Variants in RTN4 observed in about 807,000 individuals in gnomAD.
RTN4 encodes the protein reticulon-4.
A neutral mutation model predicts 90.4 loss-of-function variants in RTN4; 32 were observed. The observed-to-expected ratio is 0.35, with a 90% CI of 0.27 to 0.48. The LOEUF (loss-of-function observed/expected upper bound fraction) is 0.48. Among genes scored for constraint, RTN4 ranks in the 20% least tolerant of loss-of-function variants. RTN4 has a pLI of 0.99. For synonymous variants in RTN4, 629 were observed against 552.5 expected (o/e 1.14, Z -1.94); for missense variants, 1,706 against 1,430.2 (o/e 1.19, Z -3.11).
chr2:55,108,385 T>C (rs1041018952), intron 1 of RTN4, among the ~76,000 whole-genome samples: 5 of 152,066 alleles, frequency 3.3e-5, no homozygotes, highest in Admixed American at 2.6e-4. Context: ...TGAGTGCTCA[T>C]CTCTTGCCAG....
chr2:54,978,990 T>C (rs1677895962), intron 5 of RTN4, among the ~76,000 whole-genome samples: 1 of 152,146 alleles, frequency 6.6e-6, no homozygotes, highest in Non-Finnish European at 1.5e-5. Context: ...CCAGTTTTTG[T>C]GGCTAAAAGG....
At chr2:54,983,082 A>G (rs1383908039) in intron 4 of RTN4, among the ~76,000 whole-genome samples, 1 of 149,870 alleles carries the variant, frequency 6.7e-6, no homozygotes, top group African/African-American at 2.5e-5. Context: ...TTTTTTTCTT[A>G]AAGTTGACAC....
intron 2 of RTN4, among the ~76,000 whole-genome samples, chr2:55,067,199 G>C (rs1040582753): frequency 6.6e-6 from 1 of 152,088 alleles, no homozygotes; most frequent in Non-Finnish European, 1.5e-5. Flanking sequence ...GCTGCTTGAT[G>C]ATTGCTCTGA....
chr2:55,012,256 A>G (rs910102695), intron 3 of RTN4, among the ~76,000 whole-genome samples: 1 of 152,214 alleles, frequency 6.6e-6, no homozygotes, highest in Non-Finnish European at 1.5e-5. Flanking sequence ...AGAATGTGTA[A>G]TAAGACATAC....
chr2:55,055,949 G>T (rs889744845), intron 2 of RTN4, among the ~76,000 whole-genome samples: 1 of 149,862 alleles, frequency 6.7e-6, no homozygotes, highest in Non-Finnish European at 1.5e-5. Flanking sequence ...ATATGTAGAT[G>T]ATATAGATTT....
chr2:55,121,646 C>T, the RTN4 span, among the ~76,000 whole-genome samples: 1 of 152,072 alleles, frequency 6.6e-6, no homozygotes, highest in African/African-American at 2.4e-5. Flanking sequence ...TATTATCATG[C>T]TATTGTCATC....
chr2:55,102,267 C>T (rs1413920472), intron 1 of RTN4, among the ~76,000 whole-genome samples: 1 of 152,028 alleles, frequency 6.6e-6, no homozygotes, highest in Non-Finnish European at 1.5e-5. Flanking sequence ...AGGCTGAAAT[C>T]CCTTGAAGAT....
At chr2:55,123,608 A>G in the RTN4 span, among the ~76,000 whole-genome samples, 1 of 152,088 alleles carries the variant, frequency 6.6e-6, no homozygotes, top group African/African-American at 2.4e-5. Flanking sequence ...AGTAAGCCAG[A>G]AAAATCTTAT....
intron 1 of RTN4, among the ~76,000 whole-genome samples, chr2:55,035,825 T>G (rs1222600826): frequency 6.6e-6 from 1 of 152,130 alleles, no homozygotes; most frequent in African/African-American, 2.4e-5. Context: ...TTAGACAACT[T>G]AGATGAGTAG....
In RTN4 at chr2:55,049,995, C is replaced by T. The variant is rs1392032957; in HGVS notation, c.306G>A (p.Pro102=). The change falls in exon 1 of 9, where the codon CCG becomes CCA. Residue 102 remains proline (P), a synonymous_variant. Transcript: ENST00000337526. ...TCGGGTCCCAAGACGGCTGCCGCTC[C>T]GGGGCGACGGGGGGAGCGGCCGGCA... ...GPLPAAPPVA[P]ERQPSWDPSP... 2.9e-6 allele frequency: 4 copies of T among 1,374,636 alleles called. No homozygotes were observed. The highest frequency in any genetic ancestry group is 3.7e-6 in the Non-Finnish European group (4 of 1,071,566). 85.2% of individuals were successfully genotyped at this position (1,374,636 alleles called of 1,614,324 possible). A position where few individuals can be genotyped will look rare whatever the true frequency, so the allele number is the denominator to read the frequency against.
At chr2:55,119,668 G>A in the RTN4 span, among the ~76,000 whole-genome samples, 1 of 152,106 alleles carries the variant, frequency 6.6e-6, no homozygotes, top group African/African-American at 2.4e-5. Context: ...TATTACAGGG[G>A]GCAAAAAAGC....
chr2:55,007,247 T>A (rs1680295062), intron 3 of RTN4, among the ~76,000 whole-genome samples: 1 of 152,098 alleles, frequency 6.6e-6, no homozygotes, highest in Admixed American at 6.6e-5. Flanking sequence ...TTCTTCTTCC[T>A]TCCTATTTCA....
At chr2:54,976,118 G>A (rs1677611965) in intron 5 of RTN4, among the ~76,000 whole-genome samples, 1 of 152,142 alleles carries the variant, frequency 6.6e-6, no homozygotes. Context: ...AGTCTAAAGG[G>A]AAAAGTGTTG....
intron 3 of RTN4, chr2:55,009,960 C>A: frequency 9.7e-7 from 1 of 1,036,058 alleles, no homozygotes; most frequent in Non-Finnish European, 1.4e-6. Flanking sequence ...CCGTTTTAAT[C>A]CTTTAGACTT....
chr2:55,010,524 TTTTC>T (rs769296364), intron 3 of RTN4: 108 of 202,340 alleles, frequency 5.3e-4, no homozygotes, highest in Non-Finnish European at 7.0e-4. Flanking sequence ...TGCAGTTTTT[TTTTC>T]TTTCTTTTTT....
intron 1 of RTN4, among the ~76,000 whole-genome samples, chr2:55,033,935 T>C (rs1682507022): frequency 1.3e-5 from 2 of 152,224 alleles, no homozygotes; most frequent in South Asian, 4.1e-4. Context: ...TCATTAACTA[T>C]AATTTCTCTA....
upstream of RTN4, among the ~76,000 whole-genome samples, chr2:55,054,798 A>G (rs905452307): frequency 6.6e-6 from 1 of 152,168 alleles, no homozygotes; most frequent in Non-Finnish European, 1.5e-5. Flanking sequence ...CTGAAATATC[A>G]TTTTGGCACC....
intron 1 of RTN4, among the ~76,000 whole-genome samples, chr2:55,105,279 G>T (rs1333163705): frequency 2.1e-5 from 3 of 146,250 alleles, no homozygotes; most frequent in African/African-American, 7.7e-5. Flanking sequence ...ACCCAAGCTG[G>T]AGTACAGTGG....
At chr2:54,983,129 T>C (rs1276456510) in intron 4 of RTN4, among the ~76,000 whole-genome samples, 1 of 151,868 alleles carries the variant, frequency 6.6e-6, no homozygotes, top group African/African-American at 2.4e-5. Context: ...CAAAGATCTT[T>C]TTCATTTCCA....
Sources: gnomAD v4.1 joint callset for allele counts (sites outside exome capture counted in the v4.1 genomes callset) on GRCh38, gnomAD v4.1.1 for gene constraint, MANE v1.5 for transcripts, NCBI Gene and HGNC (gene_info 2026-07-23, HGNC 2026-07-21) for gene names.